Variants in CCDC201 observed in about 807,000 individuals in gnomAD.
CCDC201 encodes the protein coiled-coil domain containing 201, also known as coiled-coil domain-containing protein 201.
the CCDC201 span, among the ~76,000 whole-genome samples, chr7:45,883,148 G>T: frequency 6.6e-6 from 1 of 152,082 alleles, no homozygotes; most frequent in African/African-American, 2.4e-5. Flanking sequence ...CTGATTCCAG[G>T]TGTCCTGTGA....
At chr7:45,875,330 A>G (rs1038528676), upstream of CCDC201, among the ~76,000 whole-genome samples, 1 of 151,916 alleles carries the variant, frequency 6.6e-6, no homozygotes, top group Non-Finnish European at 1.5e-5. Flanking sequence ...CCCCATCTCT[A>G]CTGAAAATAC....
exon 3 of CCDC201, chr7:45,861,315 T>A (rs902041405): frequency 1.3e-5 from 2 of 152,218 alleles, no homozygotes; most frequent in East Asian, 1.9e-4. Flanking sequence ...AAACATTTTT[T>A]AAATCTGATA....
upstream of CCDC201, among the ~76,000 whole-genome samples, chr7:45,873,246 T>C (rs1173706747): frequency 6.6e-6 from 1 of 152,046 alleles, no homozygotes; most frequent in African/African-American, 2.4e-5. Context: ...CTGTGGGAAG[T>C]GAAGGCTGGC....
chr7:45,864,057 C>A (rs142013641), intron 2 of CCDC201, among the ~76,000 whole-genome samples: 1 of 152,176 alleles, frequency 6.6e-6, no homozygotes, highest in Non-Finnish European at 1.5e-5. Flanking sequence ...CCCCTCCCTA[C>A]CCGAGGCAGG....
At chr7:45,874,667 G>A (rs1227910842), upstream of CCDC201, among the ~76,000 whole-genome samples, 2 of 152,200 alleles carry the variant, frequency 1.3e-5, no homozygotes, top group Non-Finnish European at 2.9e-5. Context: ...TTCTTCCTGA[G>A]GCTTCAGAGA....
intron 1 of CCDC201, among the ~76,000 whole-genome samples, chr7:45,867,056 A>C: frequency 6.6e-6 from 1 of 152,218 alleles, no homozygotes; most frequent in East Asian, 1.9e-4. Context: ...AGAATGCCTT[A>C]AGTGAATCAT....
chr7:45,860,624 G>C (rs1056358928), exon 3 of CCDC201: 1 of 152,128 alleles, frequency 6.6e-6, no homozygotes, highest in African/African-American at 2.4e-5. Context: ...TAACATAAGC[G>C]GGCAGCACTC....
intron 1 of CCDC201, among the ~76,000 whole-genome samples, chr7:45,869,001 A>G (rs1786712341): frequency 6.6e-6 from 1 of 152,256 alleles, no homozygotes; most frequent in African/African-American, 2.4e-5. Context: ...GAAAAAACTT[A>G]GGTATCTGCA....
the CCDC201 span, among the ~76,000 whole-genome samples, chr7:45,883,542 T>C: frequency 6.6e-6 from 1 of 152,114 alleles, no homozygotes; most frequent in Non-Finnish European, 1.5e-5. Context: ...TTAGAGTCGA[T>C]GACGACTCCC....
intron 1 of CCDC201, among the ~76,000 whole-genome samples, chr7:45,867,560 T>G (rs1178451866): frequency 6.6e-6 from 1 of 152,236 alleles, no homozygotes; most frequent in Admixed American, 6.5e-5. Flanking sequence ...GCCAATACCG[T>G]ATAATTAGCA....
At chr7:45,869,485 G>A (rs928024507) in intron 1 of CCDC201, among the ~76,000 whole-genome samples, 3 of 152,174 alleles carry the variant, frequency 2.0e-5, no homozygotes, top group Admixed American at 1.3e-4. Context: ...AGTCTTGGCC[G>A]GAAAGGAGGG....
At chr7:45,873,401 G>A (rs1385185239), upstream of CCDC201, among the ~76,000 whole-genome samples, 3 of 148,242 alleles carry the variant, frequency 2.0e-5, no homozygotes, top group African/African-American at 7.4e-5. Context: ...AAAAAAACAC[G>A]TTTCCATGTC....
intron 1 of CCDC201, among the ~76,000 whole-genome samples, 175 bp from the exon 2 acceptor site, chr7:45,866,669 T>C (rs896151647): frequency 1.3e-5 from 2 of 152,158 alleles, no homozygotes; most frequent in Non-Finnish European, 2.9e-5. Context: ...CTGCAGGCCC[T>C]GAGATGGAAC....
At chr7:45,869,363 T>C (rs1410115264) in intron 1 of CCDC201, among the ~76,000 whole-genome samples, 1 of 152,218 alleles carries the variant, frequency 6.6e-6, no homozygotes, top group Non-Finnish European at 1.5e-5. Context: ...AGATGGCTTA[T>C]TGGCCTGAAA....
intron 1 of CCDC201, among the ~76,000 whole-genome samples, chr7:45,866,794 A>G (rs1786677226): frequency 6.6e-6 from 1 of 152,234 alleles, no homozygotes; most frequent in Admixed American, 6.5e-5. Flanking sequence ...TGAAGCATAG[A>G]TAACATTCAG....
chr7:45,871,836 AT>A (rs1389461661), intron 1 of CCDC201, among the ~76,000 whole-genome samples: 1 of 152,156 alleles, frequency 6.6e-6, no homozygotes, highest in Non-Finnish European at 1.5e-5. Context: ...CCAAATTCCC[AT>A]TTGGTTTTAT....
chr7:45,867,542 G>A (rs1286302070), intron 1 of CCDC201, among the ~76,000 whole-genome samples: 2 of 152,216 alleles, frequency 1.3e-5, no homozygotes, highest in Non-Finnish European at 2.9e-5. Flanking sequence ...ATTTCCTGAT[G>A]CATGCCTGCC....
At chr7:45,863,608 G>C (rs1393186375) in intron 2 of CCDC201, among the ~76,000 whole-genome samples, 5 of 152,150 alleles carry the variant, frequency 3.3e-5, no homozygotes, top group Non-Finnish European at 7.4e-5. Flanking sequence ...AGGGAATGAA[G>C]GAGGCCTCCC....
chr7:45,877,794 A>G (rs1367409926), upstream of CCDC201, among the ~76,000 whole-genome samples: 1 of 152,116 alleles, frequency 6.6e-6, no homozygotes. Flanking sequence ...GCCCCTGTGA[A>G]ATCTCATGCC....
Sources: gnomAD v4.1 joint callset for allele counts (sites outside exome capture counted in the v4.1 genomes callset) on GRCh38, gnomAD v4.1.1 for gene constraint, MANE v1.5 for transcripts, NCBI Gene and HGNC (gene_info 2026-07-23, HGNC 2026-07-21) for gene names.